The following ARID4A variants were observed in gnomAD, a reference collection of about 807,000 sequenced individuals.
ARID4A encodes AT-rich interaction domain 4A.
ARID4A carries 39 observed loss-of-function variants against 148.6 expected under a neutral mutation model. That is an observed-to-expected ratio of 0.26 (90% CI 0.20 to 0.34). The LOEUF is 0.34. ARID4A is among the 10% of genes least tolerant of loss of function. The pLI is 1.00. For missense variants in ARID4A, 1,265 were observed against 1,449.1 expected, an observed-to-expected ratio of 0.87 and a Z score of 2.06; for synonymous variants, 475 against 481.2, an observed-to-expected ratio of 0.99 and a Z score of 0.17.
At chr14:58,299,772 G>T (rs1447384318) in intron 1 of ARID4A, 26 bp from the exon 2 acceptor site, 3 of 1,589,832 alleles carry the variant, frequency 1.9e-6, no homozygotes, top group Non-Finnish European at 2.6e-6. Flanking sequence ...GATTATGTCT[G>T]TGCCTGTCTT....
intron 7 of ARID4A, among the ~76,000 whole-genome samples, chr14:58,320,931 T>C (rs2032846830): frequency 6.6e-6 from 1 of 152,234 alleles, no homozygotes. Flanking sequence ...TTTTGAAGAA[T>C]ACAAGACAAT....
chr14:58,352,448 G>T (rs1404893486), intron 16 of ARID4A, among the ~76,000 whole-genome samples: 2 of 152,112 alleles, frequency 1.3e-5, no homozygotes, highest in Non-Finnish European at 2.9e-5. Flanking sequence ...TATGTATATT[G>T]TAATATGTAT....
chr14:58,356,796 G>C (rs2034887645), intron 17 of ARID4A, among the ~76,000 whole-genome samples: 1 of 151,490 alleles, frequency 6.6e-6, no homozygotes, highest in Non-Finnish European at 1.5e-5. Flanking sequence ...CCGCCTCCTG[G>C]GTTCAAGCGA....
intron 20 of ARID4A, 29 bp from the exon 21 acceptor site, chr14:58,365,489 T>TTTAA: frequency 3.0e-5 from 30 of 985,648 alleles, no homozygotes; most frequent in Non-Finnish European, 4.2e-5. Context: ...TTTTTTTTTT[T>TTTAA]CAACATTCTC....
At chr14:58,312,958 C>T (rs1166536721) in intron 5 of ARID4A, among the ~76,000 whole-genome samples, 1 of 152,160 alleles carries the variant, frequency 6.6e-6, no homozygotes, top group Non-Finnish European at 1.5e-5. Context: ...GCTGTGATAA[C>T]AGGGAAATGG....
chr14:58,311,574 A>G (rs936724668), intron 5 of ARID4A, among the ~76,000 whole-genome samples: 5 of 152,192 alleles, frequency 3.3e-5, no homozygotes, highest in Non-Finnish European at 2.9e-5. Flanking sequence ...TGATCCAGCA[A>G]TCCCACTCCT....
chr14:58,318,915 G>T (rs2032654788), intron 7 of ARID4A, 110 bp downstream of exon 7: 11 of 801,306 alleles, frequency 1.4e-5, no homozygotes, highest in Non-Finnish European at 2.0e-5. Context: ...ATAGCATATT[G>T]TATCCTTATG....
intron 8 of ARID4A, among the ~76,000 whole-genome samples, chr14:58,325,104 C>T (rs1306264684): frequency 4.6e-5 from 7 of 151,976 alleles, no homozygotes; most frequent in East Asian, 1.9e-4. Context: ...TAAGAAGAAG[C>T]GATACACAAG....
chr14:58,337,246 TTATA>T lies in ARID4A; in HGVS notation c.906+7096_906+7099del, dbSNP rs57605969. Among the ~76,000 whole-genome samples, 14 of 83,812 alleles carry T rather than the reference TTATA, an allele frequency of 1.7e-4. 1 individual carries two copies. The highest frequency in any genetic ancestry group is 3.1e-4 in the East Asian group (1 of 3,190). The allele number at this position is 83,812 out of a possible 152,430, so 55.0% of individuals were successfully genotyped here. On this transcript the variant is annotated intron_variant, in intron 11 of 23. Coordinates refer to ENST00000355431, the MANE Select transcript of ARID4A (RefSeq NM_002892.4). The stretch of plus-strand genomic sequence containing the variant: ...AAATCTCCTAGAACCTTCTCTTTAT[TTATA>T]TATATATATATATATATAATTAAAA...
intron 18 of ARID4A, among the ~76,000 whole-genome samples, chr14:58,360,065 CA>C (rs11376633): frequency 2.1e-3 from 253 of 118,650 alleles, no homozygotes; most frequent in Middle Eastern, 5.7e-3. Flanking sequence ...GACTCCGTCT[CA>C]AAAAAAAAAA....
At chr14:58,327,143 A>G (rs2033259447) in intron 8 of ARID4A, among the ~76,000 whole-genome samples, 1 of 152,196 alleles carries the variant, frequency 6.6e-6, no homozygotes, top group African/African-American at 2.4e-5. Flanking sequence ...TAATTAAAAT[A>G]AAATAGAATT....
chr14:58,333,917 G>A (rs1261783089), intron 11 of ARID4A, among the ~76,000 whole-genome samples: 2 of 152,060 alleles, frequency 1.3e-5, no homozygotes, highest in Non-Finnish European at 2.9e-5. Context: ...TGCCAATGAA[G>A]CATTTCTAAG....
chr14:58,317,042 T>A (rs1258266048), intron 5 of ARID4A, among the ~76,000 whole-genome samples: 1 of 150,048 alleles, frequency 6.7e-6, no homozygotes, highest in Non-Finnish European at 1.5e-5. Flanking sequence ...AATACAAAAA[T>A]ATTAGCCGGG....
intron 8 of ARID4A, among the ~76,000 whole-genome samples, chr14:58,327,220 C>T (rs2033264793): frequency 6.6e-6 from 1 of 152,202 alleles, no homozygotes; most frequent in Non-Finnish European, 1.5e-5. Flanking sequence ...CTCACTGCTA[C>T]TGTATAGGGC....
At chr14:58,362,824 C>T (rs1230243985) in intron 19 of ARID4A, among the ~76,000 whole-genome samples, 1 of 152,132 alleles carries the variant, frequency 6.6e-6, no homozygotes, top group Non-Finnish European at 1.5e-5. Context: ...TCCTGAAGTG[C>T]TGGAATTACA....
intron 3 of ARID4A, 114 bp downstream of exon 3, chr14:58,301,804 C>T (rs923854772): frequency 1.7e-6 from 1 of 596,660 alleles, no homozygotes; most frequent in East Asian, 3.2e-5. Context: ...CCTTTATATA[C>T]CAAACTTAAA....
rs1177580174 is a variant in ARID4A, at chr14:58,372,373, T to G, written c.*384T>G. 1 of 252,546 alleles carries G rather than the reference T, an allele frequency of 4.0e-6. No individual in the cohort carries two copies. The highest frequency in any genetic ancestry group is 2.2e-5 in the African/African-American group (1 of 45,458). 15.6% of individuals were successfully genotyped at this position (252,546 alleles called of 1,614,324 possible). A position where few individuals can be genotyped will look rare whatever the true frequency, so the allele number is the denominator to read the frequency against. Reference sequence around the variant, plus strand: ...AAATATTACCCAGCTGAATAGTTACTGCTGCACTTTCACTAAGATGTATTT... The same window carrying G: ...AAATATTACCCAGCTGAATAGTTACGGCTGCACTTTCACTAAGATGTATTT... On this transcript the variant is annotated 3_prime_UTR_variant, in exon 24 of 24. Transcript: ENST00000355431.
chr14:58,300,702 C>G (rs1381046194), intron 2 of ARID4A, among the ~76,000 whole-genome samples: 2 of 148,994 alleles, frequency 1.3e-5, no homozygotes, highest in African/African-American at 2.5e-5. Flanking sequence ...TATTAGAAAA[C>G]AAAAAATCAT....
intron 11 of ARID4A, among the ~76,000 whole-genome samples, chr14:58,331,995 A>AC (rs58313316): frequency 0.14 from 11,852 of 84,964 alleles, 1,273 homozygotes; most frequent in East Asian, 0.25. Context: ...CATTTTCCCT[A>AC]CCCCCCCCCC....
Sources: gnomAD v4.1 joint callset for allele counts (sites outside exome capture counted in the v4.1 genomes callset) on GRCh38, gnomAD v4.1.1 for gene constraint, MANE v1.5 for transcripts, NCBI Gene and HGNC (gene_info 2026-07-23, HGNC 2026-07-21) for gene names.